XYLT2: variants seen among roughly 807,000 people sequenced by gnomAD.
XYLT2 encodes xylosyltransferase 2.
A neutral mutation model predicts 82.6 loss-of-function variants in XYLT2; 37 were observed. The ratio of observed to expected loss-of-function variants is 0.45; its 90% CI spans 0.34 to 0.59. The LOEUF is 0.59. XYLT2 is among the 20% of genes least tolerant of loss of function. XYLT2 has a pLI of 0.01. For synonymous variants in XYLT2, 474 were observed against 499.0 expected (o/e 0.95, Z 0.67); for missense variants, 934 against 1,181.3 (o/e 0.79, Z 3.07).
intron 1 of XYLT2, among the ~76,000 whole-genome samples, chr17:50,347,302 G>C (rs924300499): frequency 5.9e-5 from 9 of 152,212 alleles, no homozygotes; most frequent in Non-Finnish European, 8.8e-5. Flanking sequence ...CCTCCGGCAA[G>C]CCCCGATACC....
At chr17:50,352,879 A>T (rs1182661717) in intron 1 of XYLT2, among the ~76,000 whole-genome samples, 1 of 152,054 alleles carries the variant, frequency 6.6e-6, no homozygotes, top group Non-Finnish European at 1.5e-5. Context: ...CATGTGCCGG[A>T]GTTTTCCCAG....
Position 50,360,571 on chromosome 17 carries a change from C to CTTTTTT in XYLT2, c.*294_*299dup, listed in dbSNP as rs386386236. ...TGTCTAGTTTGAATTTCTTTTTTTT[C>CTTTTTT]TTTTTTTTTTTTTTTTTTTAATTTA... On this transcript the variant is annotated 3_prime_UTR_variant, in exon 11 of 11. Transcript: ENST00000017003. 3.0e-3 allele frequency: 2,935 copies of CTTTTTT among 976,382 alleles called. 2 individuals are homozygous for CTTTTTT. Among genetic ancestry groups the CTTTTTT allele is most frequent in the Middle Eastern group, 6.8e-3 (14 of 2,064 alleles). 60.5% of individuals were successfully genotyped at this position (976,382 alleles called of 1,614,324 possible). A position where few individuals can be genotyped will look rare whatever the true frequency, so the allele number is the denominator to read the frequency against.
intron 6 of XYLT2, 29 bp downstream of exon 6, chr17:50,356,026 G>T (rs9893605): frequency 6.2e-7 from 1 of 1,614,162 alleles, no homozygotes; most frequent in African/African-American, 1.3e-5. Context: ...ATGAAGGCCA[G>T]GGAGGGCGTG....
Position 50,360,454 on chromosome 17 carries a change from T to C in XYLT2, c.*163T>C. On this transcript the variant is annotated 3_prime_UTR_variant, in exon 11 of 11. Transcript: ENST00000017003. ...CAGGGAAGGTGGACACAGTATGAAC[T>C]ACTGCTGATGTCTCTGTTGGGGATC... 1 of 1,407,828 alleles carries C rather than the reference T, an allele frequency of 7.1e-7. No homozygotes were observed. The highest frequency in any genetic ancestry group is 9.2e-7 in the Non-Finnish European group (1 of 1,085,010). 87.2% of individuals were successfully genotyped at this position (1,407,828 alleles called of 1,614,324 possible).
At chr17:50,352,277 G>C (rs546598232) in intron 1 of XYLT2, among the ~76,000 whole-genome samples, 1 of 152,338 alleles carries the variant, frequency 6.6e-6, no homozygotes, top group South Asian at 2.1e-4. Flanking sequence ...TGAGTTGGCA[G>C]AGCTAGGCCC....
chr17:50,352,224 T>C (rs1392481132), intron 1 of XYLT2, among the ~76,000 whole-genome samples: 1 of 152,180 alleles, frequency 6.6e-6, no homozygotes, highest in Non-Finnish European at 1.5e-5. Context: ...TGTTACTCCT[T>C]ACAGCTGGGG....
chr17:50,352,906 C>T (rs2143206525), intron 1 of XYLT2, among the ~76,000 whole-genome samples: 1 of 152,304 alleles, frequency 6.6e-6, no homozygotes, highest in Non-Finnish European at 1.5e-5. Flanking sequence ...GCCAGGACTT[C>T]CTCGAGGCTG....
At chr17:50,352,205 A>T (rs1912302464) in intron 1 of XYLT2, among the ~76,000 whole-genome samples, 1 of 152,206 alleles carries the variant, frequency 6.6e-6, no homozygotes, top group African/African-American at 2.4e-5. Flanking sequence ...GCAGTGTCTC[A>T]TGCTCAGTTG....
chr17:50,348,934 C>T (rs915350596), intron 1 of XYLT2, among the ~76,000 whole-genome samples: 2 of 152,200 alleles, frequency 1.3e-5, no homozygotes, highest in African/African-American at 2.4e-5. Context: ...GCTGTGATGA[C>T]GATGCTCCTT....
rs779732817 is a variant in XYLT2, at chr17:50,354,434, G to A, written c.655G>A (p.Asp219Asn). ...TGKMSPGIQW[D>N]ESQAQQPMDG... is the part of the protein sequence containing the mutation. ...GAAGATGAGCCCCGGCATCCAGTGG[G>A]ATGAGAGCCAAGCCCAGCAGCCCAT... The change falls in exon 3 of 11, where the codon GAT becomes AAT. Residue 219 changes from aspartate (D) to asparagine (N), a missense_variant. Physicochemically the swap from Asp to Asn is conservative, Grantham distance 23 (BLOSUM62 1). Transcript: ENST00000017003. The A allele has an allele frequency of 9.9e-6, 16 of 1,610,478 alleles. No homozygotes were observed. In the South Asian group the frequency reaches 1.8e-4, roughly 18 times the overall value.
chr17:50,356,180 C>T lies in XYLT2; in HGVS notation c.1401C>T (p.Cys467=). 1 of 1,614,206 alleles carries T rather than the reference C, an allele frequency of 6.2e-7. No individual in the cohort carries two copies. The highest frequency in any genetic ancestry group is 8.5e-7 in the Non-Finnish European group (1 of 1,180,018). ...CCAACTGGAACCGCAAGCTGGGCTG[C>T]AAGTGCCAGTACAAGCACATTGTGG... ...RVTNWNRKLG[C]KCQYKHIVDW... is the part of the protein sequence containing the mutation. The change falls in exon 7 of 11, where the codon TGC becomes TGT. Residue 467 remains cysteine, a synonymous_variant. Coordinates refer to ENST00000017003, the MANE Select transcript of XYLT2 (RefSeq NM_022167.4).
At chr17:50,347,834 G>A (rs953842277) in intron 1 of XYLT2, among the ~76,000 whole-genome samples, 5 of 152,216 alleles carry the variant, frequency 3.3e-5, no homozygotes, top group African/African-American at 7.2e-5. Flanking sequence ...ATGGGAAGGT[G>A]AGTGCTGAAG....
chr17:50,359,821 C>G (rs1912720636), intron 10 of XYLT2, 148 bp from the exon 11 acceptor site: 1 of 689,466 alleles, frequency 1.5e-6, no homozygotes, highest in Admixed American at 3.0e-5. Context: ...CACAGAAAGT[C>G]CCTTGGATTA....
rs1912363578 is a variant in XYLT2 at position 50,353,699 on chromosome 17, G to A, written c.205G>A (p.Gly69Arg). The change falls in exon 2 of 11, where the codon GGG becomes AGG. Residue 69 changes from glycine (G) to arginine (R), a missense_variant. Around this residue, in one of 3 missense-constraint regions of XYLT2, gnomAD observed 371 missense variants for 394.9 expected, o/e 0.94. Coordinates refer to ENST00000017003, the MANE Select transcript of XYLT2 (RefSeq NM_022167.4). Reference protein sequence around the residue: ...EGSKDTDSSAGRRGSTGRRHG... With the variant: ...EGSKDTDSSARRRGSTGRRHG... ...TTCCAAGGACACAGACAGTTCAGCA[G>A]GGCGACGGGGCAGCACAGGCAGAAG... 1 of 1,562,148 alleles carries A rather than the reference G, an allele frequency of 6.4e-7. No individual in the cohort carries two copies. The highest frequency in any genetic ancestry group is 8.7e-7 in the Non-Finnish European group (1 of 1,152,424).
chr17:50,354,138 G>A lies in XYLT2; in HGVS notation c.628+16G>A. The A allele has an allele frequency of 6.2e-7, 1 of 1,600,772 alleles. No individual in the cohort carries two copies. Among genetic ancestry groups the A allele is most frequent in the South Asian group, 1.1e-5 (1 of 91,060 alleles). ...CAGCTGACTGGTGAGGGACAGGGGT[G>A]CTCCAGCCCTTCCCAGGCGGGGGCA... On this transcript the variant is annotated intron_variant, in intron 2 of 10. Transcript: ENST00000017003.
chr17:50,350,612 T>TA (rs1273053395), intron 1 of XYLT2, among the ~76,000 whole-genome samples: 1 of 152,152 alleles, frequency 6.6e-6, no homozygotes, highest in Non-Finnish European at 1.5e-5. Flanking sequence ...GACACTCTCC[T>TA]AGGTGCTACG....
At position 50,353,752 on chromosome 17, in the gene XYLT2, G is replaced by A. The variant is rs1912367804; in HGVS notation, c.258G>A (p.Glu86=). 5.8e-6 allele frequency: 9 copies of A among 1,558,300 alleles called. No homozygotes were observed. Among genetic ancestry groups the A allele is most frequent in the Non-Finnish European group, 7.8e-6 (9 of 1,151,158 alleles). The part of the protein sequence containing the change: ...RRHGRWRGRA[E]SPGVPVAKVV... ...ATGGGCGCTGGCGGGGCCGTGCTGA[G>A]AGCCCAGGAGTGCCCGTGGCCAAGG... The change falls in exon 2 of 11, where the codon GAG becomes GAA. Residue 86 remains glutamate, a synonymous_variant. Transcript: ENST00000017003.
Position 50,357,319 on chromosome 17 carries a change from G to A in XYLT2, c.1941+67G>A, listed in dbSNP as rs8075666. ...AGACTTGGGGTAGTGGGAAGAGAGGGACAGACACCAAGGGAGGGGTAAGGT... is the reference window on the plus strand; with the variant it reads ...AGACTTGGGGTAGTGGGAAGAGAGGAACAGACACCAAGGGAGGGGTAAGGT... On this transcript the variant is annotated intron_variant, in intron 9 of 10. Transcript: ENST00000017003. 9.0e-3 allele frequency: 12,914 copies of A among 1,436,640 alleles called. 1,034 individuals carry two copies. In the African/African-American group the frequency reaches 0.17, roughly 19 times the overall value. 89.0% of individuals were successfully genotyped at this position (1,436,640 alleles called of 1,614,324 possible).
chr17:50,357,135 G>C lies in XYLT2; in HGVS notation c.1824G>C (p.Gln608His). Residue 608 changes from glutamine to histidine, a missense_variant, in exon 9 of 11, where the codon CAG becomes CAC. Gln to His is a conservative substitution (Grantham distance 24). Around this residue, in one of 3 missense-constraint regions of XYLT2, gnomAD observed 374 missense variants for 465.6 expected, o/e 0.80. Coordinates refer to ENST00000017003, the MANE Select transcript of XYLT2 (RefSeq NM_022167.4). ...ATTTCCAGGGCTACCTGGTGACGCA[G>C]GCGGTGCAGCCCTCAGCCCAGGGGC... is the stretch of plus-strand genomic sequence containing the variant. ...DDHFQGYLVT[Q>H]AVQPSAQGPA... is the part of the protein sequence containing the mutation. 6.2e-7 allele frequency: 1 copy of C among 1,613,862 alleles called. No individual in the cohort carries two copies. The highest frequency in any genetic ancestry group is 8.5e-7 in the Non-Finnish European group (1 of 1,179,960).
Sources: gnomAD v4.1 joint callset for allele counts (sites outside exome capture counted in the v4.1 genomes callset) on GRCh38, gnomAD v4.1.1 for gene constraint, gnomAD v4.1.1 regional missense constraint, MANE v1.5 for transcripts, NCBI Gene and HGNC (gene_info 2026-07-23, HGNC 2026-07-21) for gene names.